The following DLGAP1 variants were observed in gnomAD, a reference collection of about 807,000 sequenced individuals.
DLGAP1 encodes the protein disks large-associated protein 1.
Under a neutral mutation model 90.8 loss-of-function variants are expected in DLGAP1, and 11 were observed. The ratio of observed to expected loss-of-function variants is 0.12; its 90% CI spans 0.08 to 0.20. The LOEUF is 0.20. Among genes scored for constraint, DLGAP1 ranks in the 10% least tolerant of loss-of-function variants. The pLI is 1.00. For missense variants in DLGAP1, 1,050 were observed against 1,333.8 expected, an observed-to-expected ratio of 0.79 and a Z score of 3.31; for synonymous variants, 558 against 540.7, an observed-to-expected ratio of 1.03 and a Z score of -0.44.
intron 7 of DLGAP1, among the ~76,000 whole-genome samples, chr18:3,606,144 A>G (rs2057316858): frequency 6.6e-6 from 1 of 152,216 alleles, no homozygotes; most frequent in Non-Finnish European, 1.5e-5. Flanking sequence ...CCTCAGAGGC[A>G]CAGTGTGCAG....
chr18:4,190,456 T>G (rs922757070), intron 1 of DLGAP1, among the ~76,000 whole-genome samples: 1 of 152,126 alleles, frequency 6.6e-6, no homozygotes, highest in African/African-American at 2.4e-5. Context: ...GGTAGATGCA[T>G]GACATTATAC....
intron 5 of DLGAP1, among the ~76,000 whole-genome samples, chr18:3,780,062 A>G (rs887517863): frequency 2.6e-5 from 4 of 152,162 alleles, no homozygotes; most frequent in Admixed American, 6.5e-5. Flanking sequence ...TGCTGGGATT[A>G]CAGGCATGAG....
Position 4,306,452 on chromosome 18 carries a change from TGTGTGTGTGTGAGAGA to T in DLGAP1, c.-267+148538_-267+148553del, listed in dbSNP as rs1477021165. ...GTGTGTGTGTGTGTGTGTGTGTGTG[TGTGTGTGTGTGAGAGA>T]GAGAGAGACAGACAGAGAAGAAAAT... is the stretch of plus-strand genomic sequence containing the variant. On this transcript the variant is annotated intron_variant, in intron 1 of 12. Transcript: ENST00000315677. 9.7e-5 allele frequency among the ~76,000 whole-genome samples: 13 copies of T among 134,248 alleles called. No individual in the cohort carries two copies. In the South Asian group the frequency reaches 2.7e-3, roughly 28 times the overall value. 88.1% of individuals were successfully genotyped at this position (134,248 alleles called of 152,430 possible).
intron 4 of DLGAP1, among the ~76,000 whole-genome samples, chr18:3,850,813 T>A (rs1399962637): frequency 6.6e-6 from 1 of 152,170 alleles, no homozygotes; most frequent in East Asian, 1.9e-4. Flanking sequence ...TTTATTTTTA[T>A]TTTTTATTTT....
intron 3 of DLGAP1, among the ~76,000 whole-genome samples, chr18:3,925,426 T>A (rs191933067): frequency 6.6e-6 from 1 of 152,226 alleles, no homozygotes; most frequent in Non-Finnish European, 1.5e-5. Flanking sequence ...CCACTTAGAC[T>A]ACTGATTTTT....
At chr18:3,745,020 A>C (rs964443146) in intron 5 of DLGAP1, among the ~76,000 whole-genome samples, 3 of 152,260 alleles carry the variant, frequency 2.0e-5, no homozygotes, top group Admixed American at 2.0e-4. Context: ...GTATTGATAC[A>C]TGCTATAATA....
At chr18:4,437,683 T>C (rs570907527) in intron 1 of DLGAP1, among the ~76,000 whole-genome samples, 1 of 152,346 alleles carries the variant, frequency 6.6e-6, no homozygotes, top group South Asian at 2.1e-4. Flanking sequence ...TACATTATGC[T>C]GGTATAATCT....
chr18:3,831,709 C>T (rs932629533), intron 4 of DLGAP1, among the ~76,000 whole-genome samples: 1 of 152,198 alleles, frequency 6.6e-6, no homozygotes, highest in Admixed American at 6.5e-5. Context: ...GAATTCAGAT[C>T]TCCTTTGGCC....
chr18:3,569,961 A>AT (rs1568215072), intron 8 of DLGAP1, among the ~76,000 whole-genome samples: 1 of 151,902 alleles, frequency 6.6e-6, no homozygotes, highest in Admixed American at 6.6e-5. Flanking sequence ...TTTGTACTGT[A>AT]TTTTTACTGT....
At chr18:3,699,208 T>C (rs2061195916) in intron 7 of DLGAP1, among the ~76,000 whole-genome samples, 1 of 152,164 alleles carries the variant, frequency 6.6e-6, no homozygotes. Context: ...TGTGATCCTT[T>C]GGAGGAGAAG....
chr18:4,289,488 TCTGA>T (rs2079792014), intron 1 of DLGAP1, among the ~76,000 whole-genome samples: 1 of 152,184 alleles, frequency 6.6e-6, no homozygotes, highest in Non-Finnish European at 1.5e-5. Flanking sequence ...TTCCATGAAT[TCTGA>T]CTGTGTCAAC....
intron 4 of DLGAP1, among the ~76,000 whole-genome samples, chr18:3,828,894 A>G (rs1568203338): frequency 1.3e-5 from 2 of 152,196 alleles, no homozygotes; most frequent in African/African-American, 4.8e-5. Flanking sequence ...AATGATATAT[A>G]ATTTAACCCA....
chr18:4,162,756 G>A (rs540847341), intron 1 of DLGAP1, among the ~76,000 whole-genome samples: 1 of 152,182 alleles, frequency 6.6e-6, no homozygotes, highest in Admixed American at 6.5e-5. Context: ...AAGGTGTGGT[G>A]ACATGTGCTA....
intron 10 of DLGAP1, among the ~76,000 whole-genome samples, chr18:3,520,326 A>C (rs1334643997): frequency 6.6e-6 from 1 of 152,078 alleles, no homozygotes; most frequent in East Asian, 1.9e-4. Flanking sequence ...CAGCATCCTC[A>C]AGTCTTTCCC....
chr18:3,553,831 C>T (rs944989160), intron 9 of DLGAP1, among the ~76,000 whole-genome samples: 10 of 152,088 alleles, frequency 6.6e-5, no homozygotes. Flanking sequence ...CCACGCCCGG[C>T]CCACACATAG....
At chr18:3,744,059 A>G (rs960262866) in intron 5 of DLGAP1, among the ~76,000 whole-genome samples, 1 of 152,230 alleles carries the variant, frequency 6.6e-6, no homozygotes, top group African/African-American at 2.4e-5. Flanking sequence ...TAAATAAATT[A>G]AAGTTGATAG....
intron 2 of DLGAP1, among the ~76,000 whole-genome samples, chr18:4,014,294 C>T (rs1256859833): frequency 2.0e-5 from 3 of 152,056 alleles, no homozygotes; most frequent in African/African-American, 7.2e-5. Context: ...CCATGTTGGC[C>T]AGATGGTCTC....
At chr18:3,681,554 T>C (rs2060513101) in intron 7 of DLGAP1, among the ~76,000 whole-genome samples, 6 of 152,200 alleles carry the variant, frequency 3.9e-5, no homozygotes, top group Admixed American at 2.6e-4. Flanking sequence ...TCGATATTGC[T>C]GGAAAAAAAT....
intron 1 of DLGAP1, among the ~76,000 whole-genome samples, chr18:4,396,446 G>C (rs1282604679): frequency 2.6e-5 from 4 of 152,140 alleles, no homozygotes; most frequent in Admixed American, 2.6e-4. Flanking sequence ...GAAAGAGATT[G>C]GGTTATTCTC....
Sources: allele counts gnomAD v4.1 joint callset (sites outside exome capture counted in the v4.1 genomes callset), GRCh38; gene constraint gnomAD v4.1.1; transcripts MANE v1.5; gene names NCBI Gene and HGNC (gene_info 2026-07-23, HGNC 2026-07-21).